The following COMT variants were observed in gnomAD, a reference collection of about 807,000 sequenced individuals.
COMT encodes catechol-O-methyltransferase.
COMT carries 13 observed loss-of-function variants against 18.9 expected under a neutral mutation model. The ratio of observed to expected loss-of-function variants is 0.69; its 90% CI spans 0.45 to 1.09. The LOEUF is 1.09. COMT is among the 50% of genes least tolerant of loss of function. COMT has a pLI of 0.00. For synonymous variants in COMT, 150 were observed against 160.9 expected, an observed-to-expected ratio of 0.93 and a Z score of 0.51; for missense variants, 329 against 361.8, an observed-to-expected ratio of 0.91 and a Z score of 0.73.
chr22:19,947,509 C>T (rs377722316), intron 1 of COMT, among the ~76,000 whole-genome samples: 2 of 152,284 alleles, frequency 1.3e-5, no homozygotes, highest in East Asian at 1.9e-4. Context: ...ACATGGGTCA[C>T]GTGTCCACTG....
intron 1 of COMT, among the ~76,000 whole-genome samples, chr22:19,948,040 G>A (rs9332340): frequency 7.4e-4 from 113 of 152,288 alleles, no homozygotes; most frequent in African/African-American, 2.6e-3. Flanking sequence ...TTTCTCCTAG[G>A]TTATAATTGT....
intron 5 of COMT, among the ~76,000 whole-genome samples, 161 bp from the exon 6 acceptor site, chr22:19,968,375 T>C (rs1601546079): frequency 6.6e-6 from 1 of 152,172 alleles, no homozygotes; most frequent in Non-Finnish European, 1.5e-5. Context: ...TGTACAGTCC[T>C]TTCCTGCAGG....
intron 1 of COMT, chr22:19,942,115 A>C: frequency 3.2e-6 from 1 of 316,502 alleles, no homozygotes; most frequent in African/African-American, 2.2e-5. Flanking sequence ...TGGGGTCCCC[A>C]GACTCCTTGT....
chr22:19,953,548 C>T (rs1432019494), intron 1 of COMT, among the ~76,000 whole-genome samples: 2 of 152,188 alleles, frequency 1.3e-5, no homozygotes, highest in African/African-American at 2.4e-5. Flanking sequence ...CTGCCTCAGC[C>T]TCCCAAAGTG....
At chr22:19,967,528 CCT>C in intron 5 of COMT, 1 of 387,334 alleles carries the variant, frequency 2.6e-6, no homozygotes, top group Non-Finnish European at 5.1e-6. Context: ...ATGAAAGCCC[CCT>C]GCTTTCTCTG....
chr22:19,968,818 G>C lies in COMT; in HGVS notation c.*82G>C. 7.4e-7 allele frequency: 1 copy of C among 1,359,768 alleles called. No homozygotes were observed. Among genetic ancestry groups the C allele is most frequent in the Non-Finnish European group, 1.0e-6 (1 of 979,958 alleles). The allele number at this position is 1,359,768 out of a possible 1,614,324, so 84.2% of individuals were successfully genotyped here. On this transcript the variant is annotated 3_prime_UTR_variant, in exon 6 of 6. Coordinates refer to ENST00000361682, the MANE Select transcript of COMT (RefSeq NM_000754.4). ...AGACGTGCTCCTGCTGACCTTCTGC[G>C]GCTCCGGGCTGTGTCCTAAATGCAA...
chr22:19,947,583 A>G (rs570743767), intron 1 of COMT, among the ~76,000 whole-genome samples: 1 of 152,250 alleles, frequency 6.6e-6, no homozygotes, highest in South Asian at 2.1e-4. Context: ...TTATGTCATT[A>G]TTTCTGTATT....
chr22:19,965,726 G>A (rs1438835252), intron 5 of COMT: 3 of 152,100 alleles, frequency 2.0e-5, no homozygotes, highest in Non-Finnish European at 4.4e-5. Context: ...AGAGGGCTGT[G>A]GGGAGGGCAT....
chr22:19,969,129 C>T lies in COMT; in HGVS notation c.*393C>T, dbSNP rs772365005. On this transcript the variant is annotated 3_prime_UTR_variant, in exon 6 of 6. Coordinates refer to ENST00000361682, the MANE Select transcript of COMT (RefSeq NM_000754.4). ...CCTTGACGGACGCTAACGCTAAGGG[C>T]GGGGCCCCTAGCTGGCTGGGTTCTG... is the stretch of plus-strand genomic sequence containing the variant. 1.9e-4 allele frequency: 40 copies of T among 205,266 alleles called. No homozygotes were observed. Among genetic ancestry groups the T allele is most frequent in the African/African-American group, 8.0e-4 (34 of 42,364 alleles). The allele number at this position is 205,266 out of a possible 1,614,324, so 12.7% of individuals were successfully genotyped here.
At chr22:19,955,592 T>C (rs2146146019) in intron 1 of COMT, among the ~76,000 whole-genome samples, 1 of 152,350 alleles carries the variant, frequency 6.6e-6, no homozygotes, top group South Asian at 2.1e-4. Flanking sequence ...CGAGCAGAGC[T>C]GCCCCGTGTG....
At chr22:19,962,136 C>T (rs1467601290) in intron 2 of COMT, 5 of 314,494 alleles carry the variant, frequency 1.6e-5, no homozygotes, top group Admixed American at 8.6e-5. Flanking sequence ...CCCCCAACTC[C>T]GGGCCATGGG....
chr22:19,968,450 C>T (rs761609482), intron 5 of COMT, 86 bp from the exon 6 acceptor site: 41 of 1,340,254 alleles, frequency 3.1e-5, no homozygotes, highest in Non-Finnish European at 4.3e-5. Context: ...GTGCCGTGGC[C>T]TAGTGAGGAG....
chr22:19,964,902 C>A (rs758600700), intron 5 of COMT: 1 of 217,862 alleles, frequency 4.6e-6, no homozygotes, highest in Non-Finnish European at 9.3e-6. Flanking sequence ...ACTGCCCCAT[C>A]CCTCCCTGGT....
chr22:19,949,098 C>T (rs775412324), intron 1 of COMT, among the ~76,000 whole-genome samples: 16 of 152,058 alleles, frequency 1.1e-4, no homozygotes, highest in Non-Finnish European at 2.4e-4. Flanking sequence ...GAGTTCAAGA[C>T]CAGCCTGGGA....
At chr22:19,957,437 C>T (rs1942089166) in intron 1 of COMT, among the ~76,000 whole-genome samples, 1 of 152,190 alleles carries the variant, frequency 6.6e-6, no homozygotes, top group Non-Finnish European at 1.5e-5. Flanking sequence ...AAAATAAAGG[C>T]AGATGAATGT....
chr22:19,963,630 C>T lies in COMT; in HGVS notation c.354C>T (p.Tyr118=), dbSNP rs140981094. 1 of 1,612,870 alleles carries T rather than the reference C, an allele frequency of 6.2e-7. No individual in the cohort carries two copies. Among genetic ancestry groups the T allele is most frequent in the Non-Finnish European group, 8.5e-7 (1 of 1,180,028 alleles). The change falls in exon 4 of 6, where the codon TAC becomes TAT. Residue 118 remains tyrosine, a synonymous_variant. Transcript: ENST00000361682. Reference sequence around the variant, plus strand: ...CCGTGCTGCTGGAGCTGGGGGCCTACTGTGGCTACTCAGCTGTGCGCATGG... The same window carrying T: ...CCGTGCTGCTGGAGCTGGGGGCCTATTGTGGCTACTCAGCTGTGCGCATGG... The part of the protein sequence containing the change: ...QPSVLLELGA[Y]CGYSAVRMAR...
In COMT at chr22:19,958,742, A is replaced by T. The variant is rs1004901711; in HGVS notation, c.-91-2457A>T. Among the ~76,000 whole-genome samples the T allele has an allele frequency of 1.1e-4, 16 of 148,476 alleles. No individual in the cohort carries two copies. In the South Asian group the frequency reaches 3.0e-3, roughly 28 times the overall value. On this transcript the variant is annotated intron_variant, in intron 1 of 5. Transcript: ENST00000361682. Reference sequence around the variant, plus strand: ...TCTACCAAAAAAAAAAAAAAAAAAAAGCTGGGTGTGCGGTGGTGCACATCT... The same window carrying T: ...TCTACCAAAAAAAAAAAAAAAAAAATGCTGGGTGTGCGGTGGTGCACATCT...
At chr22:19,957,662 CTGCATGTGGCG>C (rs1276774173) in intron 1 of COMT, among the ~76,000 whole-genome samples, 3 of 152,232 alleles carry the variant, frequency 2.0e-5, no homozygotes, top group Admixed American at 6.5e-5. Context: ...ACACGTGCAT[CTGCATGTGGCG>C]TGCATGTGGC....
intron 1 of COMT, among the ~76,000 whole-genome samples, chr22:19,951,339 A>G (rs1941932569): frequency 7.3e-6 from 1 of 137,672 alleles, no homozygotes; most frequent in East Asian, 2.1e-4. Flanking sequence ...AGCCTGGGCG[A>G]CAGAGCAAGA....
Sources: gnomAD v4.1 joint callset for allele counts (sites outside exome capture counted in the v4.1 genomes callset) on GRCh38, gnomAD v4.1.1 for gene constraint, MANE v1.5 for transcripts, NCBI Gene and HGNC (gene_info 2026-07-23, HGNC 2026-07-21) for gene names.